The following SYT17 variants were observed in gnomAD, a reference collection of about 807,000 sequenced individuals.
The protein encoded by SYT17 is synaptotagmin-17.
A neutral mutation model predicts 46.7 loss-of-function variants in SYT17; 22 were observed. The observed-to-expected ratio is 0.47, with a 90% CI of 0.34 to 0.67. SYT17 has a LOEUF of 0.67. SYT17 is among the 30% of genes least tolerant of loss of function. The pLI is 0.01. For missense variants in SYT17, 519 were observed against 612.8 expected (o/e 0.85, Z 1.62); for synonymous variants, 251 against 248.4 (o/e 1.01, Z -0.10).
chr16:19,181,513 G>A (rs762425326), intron 4 of SYT17, among the ~76,000 whole-genome samples: 3 of 152,092 alleles, frequency 2.0e-5, no homozygotes, highest in Admixed American at 1.3e-4. Context: ...TAGTGAAACA[G>A]AGGGAGCACT....
At chr16:19,212,016 C>A (rs1051826185) in intron 5 of SYT17, among the ~76,000 whole-genome samples, 1 of 152,096 alleles carries the variant, frequency 6.6e-6, no homozygotes, top group African/African-American at 2.4e-5. Flanking sequence ...TCATTTGGAT[C>A]AAATCATTTC....
At chr16:19,193,796 T>C (rs1353587483) in intron 5 of SYT17, among the ~76,000 whole-genome samples, 3 of 152,166 alleles carry the variant, frequency 2.0e-5, no homozygotes, top group African/African-American at 7.2e-5. Context: ...CTGGGGTATT[T>C]ATTCACCGAG....
At chr16:19,211,363 G>T (rs1965893544) in intron 5 of SYT17, 1 of 703,072 alleles carries the variant, frequency 1.4e-6, no homozygotes, top group East Asian at 2.7e-5. Context: ...CTGTGTTGGG[G>T]GCTGCACTGC....
At chr16:19,256,489 A>G (rs1446037064) in intron 7 of SYT17, among the ~76,000 whole-genome samples, 1 of 129,510 alleles carries the variant, frequency 7.7e-6, no homozygotes. Context: ...CACGTACCAT[A>G]CATCTCTATT....
At chr16:19,215,787 C>T (rs939202562) in intron 5 of SYT17, among the ~76,000 whole-genome samples, 11 of 152,180 alleles carry the variant, frequency 7.2e-5, no homozygotes, top group Non-Finnish European at 1.5e-4. Flanking sequence ...TAAAGACATA[C>T]CTGAGACTAG....
chr16:19,207,758 G>C (rs1464005278), intron 5 of SYT17, among the ~76,000 whole-genome samples: 2 of 152,092 alleles, frequency 1.3e-5, no homozygotes, highest in Non-Finnish European at 2.9e-5. Context: ...AAATGAAAAT[G>C]GGGCCAGGCA....
chr16:19,169,228 G>C (rs1025717335), intron 1 of SYT17, among the ~76,000 whole-genome samples: 15 of 152,074 alleles, frequency 9.9e-5, no homozygotes, highest in Non-Finnish European at 2.1e-4. Context: ...ATTGGGGTCT[G>C]GGAGATGTGG....
At chr16:19,188,513 C>CAAAAAAAAAAAAAAAAAAAAAAAATAA (rs1964874772) in intron 5 of SYT17, among the ~76,000 whole-genome samples, 1 of 64,584 alleles carries the variant, frequency 1.5e-5, no homozygotes. Context: ...TTCAGTTCTG[C>CAAAAAAAAAAAAAAAAAAAAAAAATAA]AAAAAAAAAA....
intron 5 of SYT17, among the ~76,000 whole-genome samples, chr16:19,195,260 A>G (rs1224425939): frequency 6.6e-6 from 1 of 152,150 alleles, no homozygotes; most frequent in Non-Finnish European, 1.5e-5. Context: ...TAAGCAACCC[A>G]TCCAAGCCAC....
chr16:19,263,640 CAAAAA>C (rs1157288423), intron 7 of SYT17, among the ~76,000 whole-genome samples: 6 of 39,236 alleles, frequency 1.5e-4, no homozygotes, highest in African/African-American at 2.3e-4. Flanking sequence ...AATTACAACT[CAAAAA>C]AAAAAAAAAA....
chr16:19,201,366 A>G (rs746086081), intron 5 of SYT17, among the ~76,000 whole-genome samples: 1 of 152,152 alleles, frequency 6.6e-6, no homozygotes, highest in Admixed American at 6.6e-5. Flanking sequence ...AGGCACAGCT[A>G]AATTCAGGGA....
intron 5 of SYT17, chr16:19,211,427 C>T (rs1425776640): frequency 1.4e-6 from 1 of 703,772 alleles, no homozygotes; most frequent in South Asian, 1.5e-5. Flanking sequence ...CACATGGGCA[C>T]TTTCTTTGCC....
chr16:19,242,513 C>A (rs1328486530), intron 7 of SYT17, among the ~76,000 whole-genome samples: 1 of 151,302 alleles, frequency 6.6e-6, no homozygotes, highest in African/African-American at 2.4e-5. Context: ...TTAGATGATA[C>A]ATTTTTTTTT....
At chr16:19,252,131 C>T (rs140174893) in intron 7 of SYT17, among the ~76,000 whole-genome samples, 3,001 of 151,274 alleles carry the variant, frequency 0.02, 81 homozygotes, top group African/African-American at 0.07. Context: ...CACTGCACTC[C>T]AGCCTGGGCG....
intron 3 of SYT17, 81 bp downstream of exon 3, chr16:19,173,659 G>A: frequency 6.8e-7 from 1 of 1,472,496 alleles, no homozygotes; most frequent in Non-Finnish European, 9.2e-7. Context: ...TGGGGGTCTG[G>A]GCCACGGGAG....
At chr16:19,203,219 AG>A (rs1175326617) in intron 5 of SYT17, among the ~76,000 whole-genome samples, 1 of 152,086 alleles carries the variant, frequency 6.6e-6, no homozygotes, top group African/African-American at 2.4e-5. Flanking sequence ...GGCCAGGCGC[AG>A]TGGCTCACGC....
intron 7 of SYT17, among the ~76,000 whole-genome samples, chr16:19,266,375 T>G (rs191965635): frequency 3.3e-5 from 5 of 152,360 alleles, no homozygotes; most frequent in African/African-American, 1.2e-4. Flanking sequence ...GGGATGCTGC[T>G]AAACTTCCTA....
intron 7 of SYT17, among the ~76,000 whole-genome samples, chr16:19,249,242 C>G (rs60158743): frequency 6.6e-6 from 1 of 151,070 alleles, no homozygotes; most frequent in East Asian, 1.9e-4. Context: ...CCACGGCACT[C>G]CAGCCTGGGC....
At chr16:19,201,798 C>T (rs1224252172) in intron 5 of SYT17, among the ~76,000 whole-genome samples, 4 of 152,026 alleles carry the variant, frequency 2.6e-5, no homozygotes, top group Admixed American at 6.6e-5. Flanking sequence ...ACCACTGACA[C>T]GTTCATTCAT....
Sources: gnomAD v4.1 joint callset for allele counts (sites outside exome capture counted in the v4.1 genomes callset) on GRCh38, gnomAD v4.1.1 for gene constraint, MANE v1.5 for transcripts, NCBI Gene and HGNC (gene_info 2026-07-23, HGNC 2026-07-21) for gene names.